HIF3A: variants seen among roughly 807,000 people sequenced by gnomAD.
The protein encoded by HIF3A is hypoxia-inducible factor 3-alpha.
Under a neutral mutation model 67.2 loss-of-function variants are expected in HIF3A, and 41 were observed. That is an observed-to-expected ratio of 0.61 (90% CI 0.48 to 0.79). The LOEUF (loss-of-function observed/expected upper bound fraction) is 0.79, where lower values mean the gene tolerates loss of function less well. Among genes scored for constraint, HIF3A ranks in the 30% least tolerant of loss-of-function variants. HIF3A has a pLI of 0.00. For missense variants in HIF3A, 855 were observed against 898.0 expected (o/e 0.95, Z 0.61); for synonymous variants, 356 against 374.8 (o/e 0.95, Z 0.58).
chr19:46,298,136 A>G (rs1968002962), intron 1 of HIF3A, among the ~76,000 whole-genome samples: 1 of 151,756 alleles, frequency 6.6e-6, no homozygotes, highest in Admixed American at 6.6e-5. Context: ...GCACCCAGTA[A>G]GCCTCACCCC....
Position 46,331,235 on chromosome 19 carries a change from C to T in HIF3A, c.1792C>T (p.Pro598Ser), listed in dbSNP as rs745594599. Residue 598 changes from proline (P) to serine (S), a missense_variant, in exon 13 of 15, where the codon CCA becomes TCA. Coordinates refer to ENST00000377670, the MANE Select transcript of HIF3A (RefSeq NM_152795.4). ...GAGACCTCCCAAAAGGTCCCCCAGC[C>T]CAGAACACGAAAACTTTCTGCTCTT... ...GVRPPKRSPS[P>S]EHENFLLFPL... The T allele has an allele frequency of 6.2e-7, 1 of 1,613,900 alleles. No homozygotes were observed. The highest frequency in any genetic ancestry group is 8.5e-7 in the Non-Finnish European group (1 of 1,179,926).
At chr19:46,321,560 G>A (rs943257616) in intron 9 of HIF3A, among the ~76,000 whole-genome samples, 2 of 152,120 alleles carry the variant, frequency 1.3e-5, no homozygotes, top group African/African-American at 4.8e-5. Flanking sequence ...CTCCATTCTG[G>A]GCAACAGAGC....
chr19:46,337,113 T>C (rs1278314230), intron 14 of HIF3A, among the ~76,000 whole-genome samples: 7 of 152,158 alleles, frequency 4.6e-5, no homozygotes, highest in Admixed American at 4.6e-4. Context: ...TTAAACAGTA[T>C]GATCAGGGTG....
At chr19:46,327,843 A>G (rs558468606) in intron 11 of HIF3A, among the ~76,000 whole-genome samples, 1 of 152,324 alleles carries the variant, frequency 6.6e-6, no homozygotes, top group Non-Finnish European at 1.5e-5. Flanking sequence ...ACAAAGGAAG[A>G]TATTCATAGG....
intron 6 of HIF3A, among the ~76,000 whole-genome samples, chr19:46,311,281 C>T (rs12327696): frequency 1.1e-4 from 16 of 152,102 alleles, no homozygotes; most frequent in African/African-American, 3.6e-4. Flanking sequence ...ACTGTCTTAC[C>T]GTTCTGGAGG....
chr19:46,322,580 C>T (rs1224110119), intron 10 of HIF3A, among the ~76,000 whole-genome samples: 2 of 152,108 alleles, frequency 1.3e-5, no homozygotes, highest in African/African-American at 4.8e-5. Context: ...GCTGAGATTA[C>T]AGGTGCATGC....
rs77080036 is a variant in HIF3A, at chr19:46,320,811, C to G, written c.1144+250C>G. Among the ~76,000 whole-genome samples the G allele has an allele frequency of 1.9e-3, 292 of 152,326 alleles. 3 individuals are homozygous for G. The highest frequency in any genetic ancestry group is 6.2e-3 in the African/African-American group (258 of 41,572). ...TCCTGTCCTCCCTCCCCTTCTGTGGCTATGGGGTGGTTGCTTCAGTCTCTT... is the reference window on the plus strand; with the variant it reads ...TCCTGTCCTCCCTCCCCTTCTGTGGGTATGGGGTGGTTGCTTCAGTCTCTT... On this transcript the variant is annotated intron_variant, in intron 9 of 14. Transcript: ENST00000377670.
intron 8 of HIF3A, among the ~76,000 whole-genome samples, chr19:46,314,445 A>G (rs146738108): frequency 0.013 from 1,877 of 147,502 alleles, 190 homozygotes; most frequent in South Asian, 0.025. Context: ...TTTATGGTAC[A>G]CAGTTCTGTG....
Position 46,319,819 on chromosome 19 carries a change from C to G in HIF3A, c.1026-624C>G, listed in dbSNP as rs372601996. On this transcript the variant is annotated intron_variant, in intron 8 of 14. Transcript: ENST00000377670. Reference sequence around the variant, plus strand: ...TCTGTCTTTCAGTGCCGCCCCACCCCCTTCCCTCAGTCTTCCTCCTCTCTG... The same window carrying G: ...TCTGTCTTTCAGTGCCGCCCCACCCGCTTCCCTCAGTCTTCCTCCTCTCTG... Among the ~76,000 whole-genome samples the G allele has an allele frequency of 1.1e-4, 16 of 152,300 alleles. No homozygotes were observed. The East Asian group carries it at 1.4e-3, about 13-fold the overall frequency.
At chr19:46,324,949 TA>T (rs1970655070) in intron 10 of HIF3A, among the ~76,000 whole-genome samples, 1 of 142,164 alleles carries the variant, frequency 7.0e-6, no homozygotes, top group African/African-American at 2.6e-5. Context: ...TATACATATA[TA>T]TATATATACA....
chr19:46,314,086 G>C (rs1601267092), intron 8 of HIF3A, among the ~76,000 whole-genome samples: 1 of 72,960 alleles, frequency 1.4e-5, no homozygotes, highest in South Asian at 4.5e-4. Context: ...TTCCAAGTTT[G>C]GGTGATTACA....
At chr19:46,313,060 G>A in intron 8 of HIF3A, 1 of 858,562 alleles carries the variant, frequency 1.2e-6, no homozygotes, top group Non-Finnish European at 1.4e-6. Context: ...AACCAGCCTG[G>A]GCAACATGAC....
At chr19:46,299,433 G>C (rs1000540675) in intron 1 of HIF3A, among the ~76,000 whole-genome samples, 2 of 152,214 alleles carry the variant, frequency 1.3e-5, no homozygotes, top group African/African-American at 4.8e-5. Flanking sequence ...CTGGAAATAC[G>C]GGCAGGCCGG....
intron 8 of HIF3A, among the ~76,000 whole-genome samples, chr19:46,314,163 G>A (rs1969726223): frequency 1.3e-5 from 2 of 150,422 alleles, no homozygotes; most frequent in Admixed American, 1.4e-4. Context: ...ATTTCTCTTG[G>A]GTAAACAGCT....
At chr19:46,333,606 G>A (rs1971392883) in intron 13 of HIF3A, among the ~76,000 whole-genome samples, 1 of 152,020 alleles carries the variant, frequency 6.6e-6, no homozygotes, top group African/African-American at 2.4e-5. Context: ...AGGGGGATGA[G>A]GCCCTGGAGG....
intron 1 of HIF3A, among the ~76,000 whole-genome samples, chr19:46,298,860 A>C (rs2147098231): frequency 1.3e-5 from 2 of 149,968 alleles, no homozygotes; most frequent in South Asian, 2.1e-4. Flanking sequence ...ACCCCCACCC[A>C]CCAAATCCTC....
At chr19:46,326,961 G>A (rs1465771754) in intron 11 of HIF3A, among the ~76,000 whole-genome samples, 2 of 152,100 alleles carry the variant, frequency 1.3e-5, no homozygotes, top group Admixed American at 6.5e-5. Flanking sequence ...AGACCGTTCT[G>A]GCCAACATGG....
rs1601199134 is a variant in HIF3A, at chr19:46,304,067, A to G, written c.196A>G (p.Met66Val). ...IMRLTISYLR[M>V]HRLCAAGEWN... Reference sequence around the variant, plus strand: ...GCGCCTCACCATCAGCTACCTGCGCATGCACCGCCTCTGCGCCGCAGGTGA... The same window carrying G: ...GCGCCTCACCATCAGCTACCTGCGCGTGCACCGCCTCTGCGCCGCAGGTGA... Residue 66 changes from methionine to valine, a missense_variant, in exon 2 of 15, where the codon ATG becomes GTG. Physicochemically the swap from Met to Val is conservative, Grantham distance 21. Transcript: ENST00000377670. 2 of 1,576,276 alleles carry G rather than the reference A, an allele frequency of 1.3e-6. No individual in the cohort carries two copies. The highest frequency in any genetic ancestry group is 8.6e-7 in the Non-Finnish European group (1 of 1,162,272).
rs547157533 is a variant in HIF3A, at chr19:46,328,102, C to T, written c.1441-1105C>T. 8.5e-5 allele frequency among the ~76,000 whole-genome samples: 13 copies of T among 152,352 alleles called. No individual in the cohort carries two copies. The South Asian group carries it at 1.2e-3, about 15-fold the overall frequency. On this transcript the variant is annotated intron_variant, in intron 11 of 14. Transcript: ENST00000377670. ...TTCCCTGGATCCGGCTGATTTTGTG[C>T]GGGCCAAAGCCCCAACCCTCTAATC...
Sources: gnomAD v4.1 joint callset for allele counts (sites outside exome capture counted in the v4.1 genomes callset) on GRCh38, gnomAD v4.1.1 for gene constraint, MANE v1.5 for transcripts, NCBI Gene and HGNC (gene_info 2026-07-23, HGNC 2026-07-21) for gene names.